Variants in DCDC1 observed in about 807,000 individuals in gnomAD.
DCDC1 encodes doublecortin domain-containing protein 1.
Under a neutral mutation model 178.3 loss-of-function variants are expected in DCDC1, and 200 were observed. That is an observed-to-expected ratio of 1.12 (90% CI 1.00 to 1.26). The LOEUF is 1.26. Among genes scored for constraint, DCDC1 ranks in the 50% most tolerant of loss-of-function variants. The pLI, the probability that DCDC1 is intolerant of heterozygous loss-of-function variation, is 0.00. For synonymous variants in DCDC1, 690 were observed against 604.8 expected (o/e 1.14, Z -2.07); for missense variants, 1,983 against 1,749.2 (o/e 1.13, Z -2.38).
At chr11:31,113,770 C>G (rs543820049) in intron 11 of DCDC1, among the ~76,000 whole-genome samples, 1 of 152,042 alleles carries the variant, frequency 6.6e-6, no homozygotes, top group Non-Finnish European at 1.5e-5. Flanking sequence ...CTGGCCTTAT[C>G]TCTAGCATGG....
chr11:30,958,954 G>A (rs906145326), intron 20 of DCDC1, among the ~76,000 whole-genome samples: 3 of 152,116 alleles, frequency 2.0e-5, no homozygotes, highest in Non-Finnish European at 2.9e-5. Flanking sequence ...GTGAATAGAG[G>A]AAAGGGGCAA....
intron 7 of DCDC1, among the ~76,000 whole-genome samples, chr11:31,282,571 T>C (rs780631415): frequency 6.6e-6 from 1 of 152,084 alleles, no homozygotes; most frequent in Non-Finnish European, 1.5e-5. Context: ...GAAACATACT[T>C]AAAATAATTT....
At chr11:31,196,183 T>C (rs1970672624) in intron 9 of DCDC1, among the ~76,000 whole-genome samples, 1 of 152,000 alleles carries the variant, frequency 6.6e-6, no homozygotes, top group African/African-American at 2.4e-5. Flanking sequence ...TGTTGTAGTT[T>C]GCTACAACAA....
At chr11:31,217,723 A>C (rs1325273583) in intron 9 of DCDC1, among the ~76,000 whole-genome samples, 1 of 152,176 alleles carries the variant, frequency 6.6e-6, no homozygotes, top group Non-Finnish European at 1.5e-5. Context: ...AAGTAGTAAA[A>C]CACATATTAT....
intron 20 of DCDC1, among the ~76,000 whole-genome samples, chr11:31,020,441 G>C (rs1378233360): frequency 6.6e-6 from 1 of 152,004 alleles, no homozygotes; most frequent in Non-Finnish European, 1.5e-5. Context: ...CATTAAAAAA[G>C]ATAGAGATGT....
chr11:31,263,110 G>C (rs1944904500), intron 8 of DCDC1: 1 of 1,606,192 alleles, frequency 6.2e-7, no homozygotes, highest in African/African-American at 1.3e-5. Context: ...CCATATTTGG[G>C]AGGAGAAAAA....
intron 38 of DCDC1, among the ~76,000 whole-genome samples, chr11:30,876,647 G>A (rs755050827): frequency 1.4e-4 from 21 of 152,128 alleles, no homozygotes; most frequent in Non-Finnish European, 2.6e-4. Context: ...CGCTTCAGGC[G>A]TATTCACATG....
intron 8 of DCDC1, among the ~76,000 whole-genome samples, chr11:31,247,643 T>C (rs1221968894): frequency 6.6e-6 from 1 of 151,978 alleles, no homozygotes; most frequent in Non-Finnish European, 1.5e-5. Flanking sequence ...TTGGTAGTTT[T>C]CCAATACGCT....
intron 7 of DCDC1, among the ~76,000 whole-genome samples, chr11:31,274,403 A>G (rs1007706139): frequency 6.6e-6 from 1 of 152,164 alleles, no homozygotes; most frequent in Non-Finnish European, 1.5e-5. Context: ...CTAGTGCTGG[A>G]TAAAGACATT....
intron 20 of DCDC1, among the ~76,000 whole-genome samples, chr11:31,025,849 G>A (rs1953194853): frequency 6.6e-6 from 1 of 151,740 alleles, no homozygotes; most frequent in South Asian, 2.1e-4. Flanking sequence ...GAGGCCTACT[G>A]TGTAATAATA....
At chr11:31,153,370 A>G (rs762978465) in intron 9 of DCDC1, among the ~76,000 whole-genome samples, 16 of 152,114 alleles carry the variant, frequency 1.1e-4, no homozygotes, top group Non-Finnish European at 1.8e-4. Flanking sequence ...GACTCTCAAA[A>G]TCTACTCTTC....
intron 9 of DCDC1, among the ~76,000 whole-genome samples, chr11:31,198,350 C>G (rs1043451970): frequency 6.6e-5 from 10 of 151,964 alleles, no homozygotes; most frequent in African/African-American, 1.7e-4. Flanking sequence ...AAGGGGTGAT[C>G]ATGGGATTTC....
intron 1 of DCDC1, among the ~76,000 whole-genome samples, chr11:31,341,918 G>T (rs904571401): frequency 6.6e-6 from 1 of 151,752 alleles, no homozygotes; most frequent in Non-Finnish European, 1.5e-5. Flanking sequence ...GCCTTGCAAG[G>T]CTGAGGTGGA....
chr11:30,932,027 A>C, intron 21 of DCDC1, 75 bp from the exon 22 acceptor site: 1 of 1,398,550 alleles, frequency 7.2e-7, no homozygotes, highest in Non-Finnish European at 9.4e-7. Flanking sequence ...AAAATATTAA[A>C]CACAGTTTAT....
intron 15 of DCDC1, among the ~76,000 whole-genome samples, chr11:31,100,266 C>G (rs1958424206): frequency 6.6e-6 from 1 of 152,150 alleles, no homozygotes; most frequent in Non-Finnish European, 1.5e-5. Context: ...TATGGCTAAA[C>G]AAGCAAACAA....
At chr11:31,059,347 A>G (rs888312536) in intron 20 of DCDC1, among the ~76,000 whole-genome samples, 4 of 152,096 alleles carry the variant, frequency 2.6e-5, no homozygotes, top group African/African-American at 4.8e-5. Flanking sequence ...GTATCAGCCA[A>G]TATCAGGATA....
At chr11:31,009,438 T>TTGTGTGTGTG (rs139389381) in intron 20 of DCDC1, among the ~76,000 whole-genome samples, 41 of 144,512 alleles carry the variant, frequency 2.8e-4, no homozygotes, top group African/African-American at 7.4e-4. Context: ...CACAGTTTCT[T>TTGTGTGTGTG]TGTGTGTGTG....
chr11:31,109,102 T>C (rs971770697), intron 12 of DCDC1, among the ~76,000 whole-genome samples: 1 of 151,092 alleles, frequency 6.6e-6, no homozygotes, highest in African/African-American at 2.4e-5. Flanking sequence ...AAAAAGTTTC[T>C]ATAGAATAAT....
intron 7 of DCDC1, among the ~76,000 whole-genome samples, chr11:31,266,002 T>A (rs1402487193): frequency 6.6e-6 from 1 of 151,416 alleles, no homozygotes; most frequent in African/African-American, 2.4e-5. Flanking sequence ...GTCTTGCAAC[T>A]TTCTGTATGT....
Sources: gnomAD v4.1 joint callset for allele counts (sites outside exome capture counted in the v4.1 genomes callset) on GRCh38, gnomAD v4.1.1 for gene constraint, MANE v1.5 for transcripts, NCBI Gene and HGNC (gene_info 2026-07-23, HGNC 2026-07-21) for gene names.